The following CHD1L variants were observed in gnomAD, a reference collection of about 807,000 sequenced individuals.
The protein encoded by CHD1L is chromodomain helicase DNA binding protein 1 like, also known as ATP-dependent chromatin remodeler CHD1L.
CHD1L carries 118 observed loss-of-function variants against 115.9 expected under a neutral mutation model. The ratio of observed to expected loss-of-function variants is 1.02; its 90% CI spans 0.88 to 1.19. The LOEUF is 1.19. Among genes scored for constraint, CHD1L ranks in the 50% most tolerant of loss-of-function variants. The pLI, the probability that CHD1L is intolerant of heterozygous loss-of-function variation, is 0.00. For missense variants in CHD1L, 1,179 were observed against 1,065.3 expected (o/e 1.11, Z -1.49); for synonymous variants, 411 against 387.1 (o/e 1.06, Z -0.72).
chr1:147,241,481 C>A (rs191224291), upstream of CHD1L, among the ~76,000 whole-genome samples: 300 of 152,264 alleles, frequency 2.0e-3, no homozygotes, highest in Middle Eastern at 3.4e-3. Flanking sequence ...CGACCCCACC[C>A]CTATCTCCCT....
chr1:147,231,915 G>T, the CHD1L span, among the ~76,000 whole-genome samples: 4 of 152,230 alleles, frequency 2.6e-5, no homozygotes, highest in Middle Eastern at 3.4e-3. Flanking sequence ...TCAGTTCATG[G>T]TCAGTGCACT....
At chr1:147,248,906 T>C (rs1553935026) in intron 1 of CHD1L, among the ~76,000 whole-genome samples, 1 of 152,248 alleles carries the variant, frequency 6.6e-6, no homozygotes, top group Non-Finnish European at 1.5e-5. Flanking sequence ...ATAATTGTCT[T>C]AAATATTTCC....
chr1:147,285,358 A>G lies in CHD1L; in HGVS notation c.1889A>G (p.Lys630Arg). Reference sequence around the variant, plus strand: ...CCAGGCCTTGTGGAGGGATCTACCAAAAGGAAGCGGGTTCTGAGTCCAGAA... The same window carrying G: ...CCAGGCCTTGTGGAGGGATCTACCAGAAGGAAGCGGGTTCTGAGTCCAGAA... ...LIPGLVEGST[K>R]RKRVLSPEEL... The change falls in exon 17 of 23, where the codon AAA becomes AGA. Residue 630 changes from lysine to arginine, a missense_variant. Coordinates refer to ENST00000369258, the MANE Select transcript of CHD1L (RefSeq NM_004284.6). 11 of 1,614,042 alleles carry G rather than the reference A, an allele frequency of 6.8e-6. No individual in the cohort carries two copies. Among genetic ancestry groups the G allele is most frequent in the African/African-American group, 1.3e-5 (1 of 75,016 alleles).
Position 147,291,492 on chromosome 1 carries a change from G to A in CHD1L, c.2331G>A (p.Leu777=), listed in dbSNP as rs1452160882. 3.1e-6 allele frequency: 5 copies of A among 1,613,686 alleles called. No homozygotes were observed. In the African/African-American group the frequency reaches 5.3e-5, roughly 17 times the overall value. ...ELAGKMKDLS[L]GGVLLFPVDD... Reference sequence around the variant, plus strand: ...TCTGTTTTACCTCAGACCTGAGTTTGGGAGGTGTCCTTTTATTTCCTGTTG... The same window carrying A: ...TCTGTTTTACCTCAGACCTGAGTTTAGGAGGTGTCCTTTTATTTCCTGTTG... The change falls in exon 20 of 23, where the codon TTG becomes TTA. Residue 777 remains leucine (L), a synonymous_variant. Transcript: ENST00000369258.
chr1:147,270,570 C>T (rs1553952201), intron 10 of CHD1L, among the ~76,000 whole-genome samples: 2 of 151,704 alleles, frequency 1.3e-5, no homozygotes, highest in African/African-American at 2.4e-5. Flanking sequence ...CTTCACATAT[C>T]TGTATTTATT....
chr1:147,295,430 G>T lies in CHD1L; in HGVS notation c.2616-1G>T, dbSNP rs782291956. ...GTATCTTCCTTGACCATCCTTATCA[G>T]ATATTATTTTCCTAGAAGCAAGTCT... is the stretch of plus-strand genomic sequence containing the variant. On this transcript the variant is annotated splice_acceptor_variant, in intron 22 of 22. Coordinates refer to ENST00000369258, the MANE Select transcript of CHD1L (RefSeq NM_004284.6). LOFTEE classifies it high-confidence loss of function. 6.2e-7 allele frequency: 1 copy of T among 1,601,288 alleles called. No homozygotes were observed. The highest frequency in any genetic ancestry group is 1.7e-5 in the Admixed American group (1 of 59,920).
chr1:147,173,396 G>A, the CHD1L span: 1 of 152,328 alleles, frequency 6.6e-6, no homozygotes, highest in South Asian at 2.1e-4. Flanking sequence ...AAGATGGCGT[G>A]TTTAGGAGCT....
At chr1:147,263,452 C>T (rs1244756006) in intron 6 of CHD1L, among the ~76,000 whole-genome samples, 1 of 144,648 alleles carries the variant, frequency 6.9e-6, no homozygotes, top group Non-Finnish European at 1.5e-5. Context: ...AAAAGATATA[C>T]ATACACAAGA....
rs782298036 is a variant in CHD1L at position 147,242,847 on chromosome 1, C to A, written c.127+17C>A. 2 of 1,270,968 alleles carry A rather than the reference C, an allele frequency of 1.6e-6. No individual in the cohort carries two copies. The highest frequency in any genetic ancestry group is 5.9e-5 in the East Asian group (2 of 33,654). 78.7% of individuals were successfully genotyped at this position (1,270,968 alleles called of 1,614,324 possible). A position where few individuals can be genotyped will look rare whatever the true frequency, so the allele number is the denominator to read the frequency against. On this transcript the variant is annotated intron_variant, in intron 1 of 22. Coordinates refer to ENST00000369258, the MANE Select transcript of CHD1L (RefSeq NM_004284.6). ...GGCTGACAGGTGAGCGGGCTCCGGG[C>A]GGACTTCGGCCAGGCGGGCCAACCT...
chr1:147,176,664 TTATAGA>T, the CHD1L span, among the ~76,000 whole-genome samples: 1 of 152,178 alleles, frequency 6.6e-6, no homozygotes, highest in Non-Finnish European at 1.5e-5. Context: ...TCCTCTAAAA[TTATAGA>T]TATACATTAC....
the CHD1L span, among the ~76,000 whole-genome samples, chr1:147,205,606 A>C: frequency 6.6e-6 from 1 of 152,200 alleles, no homozygotes; most frequent in Admixed American, 6.5e-5. Flanking sequence ...CTCAGAAATA[A>C]TACCACATAT....
the CHD1L span, chr1:147,201,268 A>C: frequency 1.9e-6 from 3 of 1,614,126 alleles, no homozygotes; most frequent in Non-Finnish European, 2.5e-6. Context: ...AGGAGGGAAG[A>C]CCTTTTTATA....
chr1:147,245,388 C>T (rs1571557006), intron 1 of CHD1L, among the ~76,000 whole-genome samples: 2 of 152,118 alleles, frequency 1.3e-5, no homozygotes, highest in African/African-American at 2.4e-5. Context: ...ATTGTGGCTG[C>T]GTTGATAGGT....
intron 10 of CHD1L, among the ~76,000 whole-genome samples, chr1:147,269,218 T>C (rs1460589356): frequency 6.6e-6 from 1 of 152,236 alleles, no homozygotes; most frequent in Non-Finnish European, 1.5e-5. Context: ...GAGACAACAC[T>C]GAGCATTTCT....
chr1:147,208,719 G>A, the CHD1L span: 45 of 696,980 alleles, frequency 6.5e-5, no homozygotes, highest in Middle Eastern at 2.8e-4. Context: ...GATTACAGGC[G>A]TGAGCCACCA....
chr1:147,286,664 C>T (rs1192011402), intron 18 of CHD1L, among the ~76,000 whole-genome samples, 164 bp downstream of exon 18: 1 of 152,130 alleles, frequency 6.6e-6, no homozygotes, highest in Non-Finnish European at 1.5e-5. Flanking sequence ...TCATTTCACT[C>T]TTGGCTTTCT....
At chr1:147,273,003 C>A (rs930220390) in intron 12 of CHD1L, among the ~76,000 whole-genome samples, 3 of 151,668 alleles carry the variant, frequency 2.0e-5, no homozygotes, top group Non-Finnish European at 4.4e-5. Flanking sequence ...AGTTTGAGAC[C>A]AGCCTGGCCA....
At chr1:147,260,147 A>C in intron 6 of CHD1L, 1 of 384,410 alleles carries the variant, frequency 2.6e-6, no homozygotes, top group East Asian at 4.1e-5. Flanking sequence ...TGATGAACCT[A>C]CATTGATACA....
Position 147,270,966 on chromosome 1 carries a change from C to A in CHD1L, c.1120C>A (p.Gln374Lys). 6.2e-7 allele frequency: 1 copy of A among 1,613,954 alleles called. No homozygotes were observed. Among genetic ancestry groups the A allele is most frequent in the Non-Finnish European group, 8.5e-7 (1 of 1,179,958 alleles). Residue 374 changes from glutamine (Q) to lysine (K), a missense_variant, in exon 11 of 23, where the codon CAG (glutamine) becomes AAG (lysine). Gln to Lys is a moderately conservative substitution (Grantham distance 53). Transcript: ENST00000369258. ...GGTTTTACTTTTCTCCCAAATGACC[C>A]AGATGTTGGATATTCTCCAAGACTA... ...HRVLLFSQMT[Q>K]MLDILQDYMD...
Sources: gnomAD v4.1 joint callset for allele counts (sites outside exome capture counted in the v4.1 genomes callset) on GRCh38, gnomAD v4.1.1 for gene constraint, MANE v1.5 for transcripts, NCBI Gene and HGNC (gene_info 2026-07-23, HGNC 2026-07-21) for gene names.